CDH23: variants seen among roughly 807,000 people sequenced by gnomAD.
CDH23 encodes the protein cadherin related 23, also known as cadherin-23.
Under a neutral mutation model 317.1 loss-of-function variants are expected in CDH23, and 189 were observed. That is an observed-to-expected ratio of 0.60 (90% CI 0.53 to 0.67). CDH23 has a LOEUF of 0.67. CDH23 is among the 30% of genes least tolerant of loss of function. The probability of loss-of-function intolerance (pLI) is 0.00; values close to 1 mark genes in which losing one functional copy is unlikely to be tolerated. For synonymous variants in CDH23, 1,839 were observed against 1,876.8 expected, an observed-to-expected ratio of 0.98 and a Z score of 0.52; for missense variants, 4,401 against 4,592.4, an observed-to-expected ratio of 0.96 and a Z score of 1.20.
intron 25 of CDH23, among the ~76,000 whole-genome samples, 192 bp from the exon 26 acceptor site, chr10:71,706,683 GGGTCTGGAGCACTGGTGGGCCT>G (rs1475489707): frequency 6.6e-6 from 1 of 152,252 alleles, no homozygotes; most frequent in Non-Finnish European, 1.5e-5. Flanking sequence ...GACAGCGGGA[GGGTCTGGAGCACTGGTGGGCCT>G]GGTCCTGGCC....
intron 3 of CDH23, among the ~76,000 whole-genome samples, chr10:71,472,622 C>T (rs1294608172): frequency 6.6e-6 from 1 of 152,200 alleles, no homozygotes; most frequent in Non-Finnish European, 1.5e-5. Flanking sequence ...GCTCTGCCCT[C>T]GCCCTTTGGC....
At position 71,402,965 on chromosome 10, in the gene CDH23, A is replaced by G. The variant is rs565743964; in HGVS notation, c.-6+5647A>G. ...CCACGTCTCTACTAAAAATACAGAA[A>G]AAAAAAATTAGCCGAGCGTGGTGGC... is the stretch of plus-strand genomic sequence containing the variant. On this transcript the variant is annotated intron_variant, in intron 1 of 69. Coordinates refer to ENST00000224721, the MANE Select transcript of CDH23 (RefSeq NM_022124.6). 5.9e-5 allele frequency among the ~76,000 whole-genome samples: 9 copies of G among 152,114 alleles called. No individual in the cohort carries two copies. In the East Asian group the frequency reaches 1.4e-3, roughly 23 times the overall value.
intron 9 of CDH23, among the ~76,000 whole-genome samples, chr10:71,588,532 A>T (rs980000415): frequency 4.6e-5 from 7 of 152,164 alleles, no homozygotes; most frequent in Non-Finnish European, 1.0e-4. Flanking sequence ...GCATTAAAAA[A>T]ATTATAGTCT....
chr10:71,589,371 G>C (rs1465114258), intron 9 of CDH23, among the ~76,000 whole-genome samples: 4 of 152,176 alleles, frequency 2.6e-5, no homozygotes, highest in African/African-American at 9.7e-5. Context: ...ACCCACCTTG[G>C]CCTCCGAAAG....
chr10:71,784,745 C>T, intron 42 of CDH23, 146 bp from the exon 43 acceptor site: 2 of 657,472 alleles, frequency 3.0e-6, no homozygotes, highest in Non-Finnish European at 5.4e-6. Context: ...TTTCTTCTTT[C>T]TTCCTCTCCC....
At chr10:71,403,404 TTTCTCTTCCTTCCTTC>T (rs1564558196) in intron 1 of CDH23, among the ~76,000 whole-genome samples, 5 of 78,590 alleles carry the variant, frequency 6.4e-5, no homozygotes, top group African/African-American at 2.7e-4. Flanking sequence ...TCTTTCTTTC[TTTCTCTTCCTTCCTTC>T]CTTCCTTCCT....
chr10:71,629,097 A>G (rs1861886528), intron 11 of CDH23, among the ~76,000 whole-genome samples: 1 of 152,198 alleles, frequency 6.6e-6, no homozygotes, highest in African/African-American at 2.4e-5. Context: ...GGGAGGCGGG[A>G]TTGGCTTATT....
chr10:71,614,726 A>G (rs991232598), intron 9 of CDH23, among the ~76,000 whole-genome samples: 1 of 152,198 alleles, frequency 6.6e-6, no homozygotes, highest in African/African-American at 2.4e-5. Flanking sequence ...GAGGATGAGG[A>G]CAAGAGAGAA....
chr10:71,808,903 C>A (rs928650051), intron 60 of CDH23, among the ~76,000 whole-genome samples: 4 of 152,134 alleles, frequency 2.6e-5, no homozygotes, highest in Non-Finnish European at 4.4e-5. Context: ...CCCTTCTTTG[C>A]CTTCGGATAT....
At chr10:71,491,538 G>A (rs940500014) in intron 3 of CDH23, among the ~76,000 whole-genome samples, 2 of 152,198 alleles carry the variant, frequency 1.3e-5, no homozygotes, top group Non-Finnish European at 2.9e-5. Flanking sequence ...TGTTTTTGGA[G>A]GAGTGAGCTA....
chr10:71,661,926 G>A (rs1426485908), intron 14 of CDH23, among the ~76,000 whole-genome samples: 4 of 137,272 alleles, frequency 2.9e-5, no homozygotes, highest in African/African-American at 1.1e-4. Flanking sequence ...CACCCTGCGC[G>A]CCTCCTCACA....
At position 71,803,294 on chromosome 10, in the gene CDH23, G is replaced by T. The variant is rs371192973; in HGVS notation, c.7746G>T (p.Val2582=). The change falls in exon 55 of 70, where the codon GTG becomes GTT. Residue 2582 remains valine (V), a synonymous_variant. Transcript: ENST00000224721. ...ACGAGAAGTTCAGTCTGACCGTGGT[G>T]GCCACAGATGGTGGAGAGCCCCCAC... ...QSYEKFSLTV[V]ATDGGEPPLW... 4.4e-6 allele frequency: 7 copies of T among 1,589,872 alleles called. No homozygotes were observed. Among genetic ancestry groups the T allele is most frequent in the African/African-American group, 1.3e-5 (1 of 74,328 alleles).
intron 1 of CDH23, among the ~76,000 whole-genome samples, chr10:71,424,292 C>G (rs144212919): frequency 6.8e-4 from 103 of 152,366 alleles, no homozygotes; most frequent in African/African-American, 2.3e-3. Context: ...GGGTTTCCCA[C>G]TGAGCTCTCA....
chr10:71,775,488 G>A (rs1045512329), intron 38 of CDH23, among the ~76,000 whole-genome samples: 3 of 152,116 alleles, frequency 2.0e-5, no homozygotes, highest in Non-Finnish European at 2.9e-5. Flanking sequence ...CCACCACTGA[G>A]CCTCCTGGGG....
At position 71,399,506 on chromosome 10, in the gene CDH23, T is replaced by C. The variant is rs376405250; in HGVS notation, c.-6+2188T>C. Among the ~76,000 whole-genome samples, 6 of 152,362 alleles carry C rather than the reference T, an allele frequency of 3.9e-5. No homozygotes were observed. The South Asian group carries it at 1.2e-3, about 32-fold the overall frequency. On this transcript the variant is annotated intron_variant, in intron 1 of 69. Coordinates refer to ENST00000224721, the MANE Select transcript of CDH23 (RefSeq NM_022124.6). Reference sequence around the variant, plus strand: ...TAGGCTCGGATTAATAGTCCACCACTGGCCCCTTCGGGTTGTACCATGCTA... The same window carrying C: ...TAGGCTCGGATTAATAGTCCACCACCGGCCCCTTCGGGTTGTACCATGCTA...
chr10:71,652,629 G>T (rs1863231530), intron 14 of CDH23, among the ~76,000 whole-genome samples: 2 of 152,214 alleles, frequency 1.3e-5, no homozygotes, highest in Admixed American at 6.5e-5. Flanking sequence ...CCTGCTAGGA[G>T]CCTACCTTGG....
Position 71,734,318 on chromosome 10 carries a change from G to T in CDH23, c.4183G>T (p.Gly1395Cys), listed in dbSNP as rs749105554. 1.1e-5 allele frequency: 18 copies of T among 1,610,698 alleles called. No individual in the cohort carries two copies. The highest frequency in any genetic ancestry group is 1.5e-5 in the Non-Finnish European group (18 of 1,178,578). The change falls in exon 33 of 70, where the codon GGC becomes TGC. Residue 1395 changes from glycine (G) to cysteine (C), a missense_variant. Physicochemically the swap from Gly to Cys is radical, Grantham distance 159 (BLOSUM62 -3). Transcript: ENST00000224721. Reference sequence around the variant, plus strand: ...CTTGACAGTGGTGGCAGATGACGGCGGCCCCAAGGTGGACTCCACCGTGGT... The same window carrying T: ...CTTGACAGTGGTGGCAGATGACGGCTGCCCCAAGGTGGACTCCACCGTGGT... ...YTLTVVADDGGPKVDSTVKVY... is the reference protein window; with the variant it reads ...YTLTVVADDGCPKVDSTVKVY...
In CDH23 at chr10:71,778,323, C is replaced by T; in HGVS notation, c.5187+15C>T. 1 of 1,613,750 alleles carries T rather than the reference C, an allele frequency of 6.2e-7. No individual in the cohort carries two copies. Among genetic ancestry groups the T allele is most frequent in the African/African-American group, 1.3e-5 (1 of 75,016 alleles). ...CTACCACCACGGTGGGTGCATGGGA[C>T]ACAGCCCCAACTTGGGCTTGGAGGT... On this transcript the variant is annotated intron_variant, in intron 40 of 69. Coordinates refer to ENST00000224721, the MANE Select transcript of CDH23 (RefSeq NM_022124.6).
At position 71,784,304 on chromosome 10, in the gene CDH23, C is replaced by T; in HGVS notation, c.5386C>T (p.Pro1796Ser). The change falls in exon 42 of 70, where the codon CCT (proline) becomes TCT (serine). Residue 1796 changes from proline to serine, a missense_variant. Physicochemically the swap from Pro to Ser is moderately conservative, Grantham distance 74. This residue lies in a region of CDH23 where 3,068 missense variants were observed against 3,203.3 expected (regional missense o/e 0.96). Transcript: ENST00000224721. ...GDPLGEFVIS[P>S]VEGVLRVRKD... ...ACACCCAGGGGAGTTTGTGATCTCTCCTGTGGAGGGGGTGCTAAGGGTCCG... is the reference window on the plus strand; with the variant it reads ...ACACCCAGGGGAGTTTGTGATCTCTTCTGTGGAGGGGGTGCTAAGGGTCCG... The T allele has an allele frequency of 6.2e-7, 1 of 1,613,774 alleles. No individual in the cohort carries two copies. The highest frequency in any genetic ancestry group is 2.2e-5 in the East Asian group (1 of 44,878).
Sources: gnomAD v4.1 joint callset for allele counts (sites outside exome capture counted in the v4.1 genomes callset) on GRCh38, gnomAD v4.1.1 for gene constraint, gnomAD v4.1.1 regional missense constraint, MANE v1.5 for transcripts, NCBI Gene and HGNC (gene_info 2026-07-23, HGNC 2026-07-21) for gene names.